The following RALYL variants were observed in gnomAD, a reference collection of about 807,000 sequenced individuals.
RALYL encodes the protein RNA-binding Raly-like protein.
A neutral mutation model predicts 35.1 loss-of-function variants in RALYL; 29 were observed. The observed-to-expected ratio is 0.83, with a 90% CI of 0.61 to 1.13. The LOEUF (loss-of-function observed/expected upper bound fraction) is 1.13, where lower values mean the gene tolerates loss of function less well. Ranked by LOEUF, RALYL falls within the 50% of genes most tolerant of loss-of-function variation. The pLI is 0.00. For synonymous variants in RALYL, 120 were observed against 127.6 expected (o/e 0.94, Z 0.40); for missense variants, 359 against 360.4 (o/e 1.00, Z 0.03).
At chr8:84,898,253 A>C (rs954523613) in intron 8 of RALYL, among the ~76,000 whole-genome samples, 7 of 152,324 alleles carry the variant, frequency 4.6e-5, no homozygotes, top group South Asian at 4.1e-4. Context: ...CCAGTCCTCT[A>C]TGTTTTAACA....
intron 1 of RALYL, among the ~76,000 whole-genome samples, chr8:84,272,797 T>G (rs1388095819): frequency 2.6e-5 from 4 of 152,162 alleles, no homozygotes; most frequent in Non-Finnish European, 5.9e-5. Context: ...GACTCACAAC[T>G]AGGGCAGTTA....
At chr8:84,246,484 T>G (rs749342229) in intron 1 of RALYL, among the ~76,000 whole-genome samples, 3 of 152,118 alleles carry the variant, frequency 2.0e-5, no homozygotes, top group Non-Finnish European at 4.4e-5. Flanking sequence ...GAAGTGATAT[T>G]TAAGCTGAGA....
chr8:84,579,084 T>G (rs946718186), intron 2 of RALYL, among the ~76,000 whole-genome samples: 1 of 152,116 alleles, frequency 6.6e-6, no homozygotes, highest in Non-Finnish European at 1.5e-5. Flanking sequence ...AGGCTGTTCA[T>G]GTGGAAGGGT....
intron 5 of RALYL, 29 bp from the exon 6 acceptor site, chr8:84,862,267 A>T: frequency 2.8e-6 from 4 of 1,435,208 alleles, no homozygotes; most frequent in Non-Finnish European, 3.7e-6. Flanking sequence ...CATCAAACCA[A>T]CTCTCAGTCC....
chr8:84,761,333 T>C (rs1812655148), intron 2 of RALYL, among the ~76,000 whole-genome samples: 2 of 151,978 alleles, frequency 1.3e-5, no homozygotes, highest in South Asian at 2.1e-4. Context: ...CAGGATATGA[T>C]ACATAAGTCA....
intron 2 of RALYL, among the ~76,000 whole-genome samples, chr8:84,726,063 T>C (rs2132719126): frequency 6.6e-6 from 1 of 151,118 alleles, no homozygotes; most frequent in Non-Finnish European, 1.5e-5. Context: ...TAAAAGTAAA[T>C]TCAGATGTAA....
intron 2 of RALYL, among the ~76,000 whole-genome samples, chr8:84,592,131 A>G (rs1813442127): frequency 6.6e-6 from 1 of 152,112 alleles, no homozygotes; most frequent in African/African-American, 2.4e-5. Flanking sequence ...AGCAAGGACA[A>G]TCTACATAAC....
intron 2 of RALYL, among the ~76,000 whole-genome samples, chr8:84,713,806 AC>A (rs1842552395): frequency 6.6e-6 from 1 of 151,624 alleles, no homozygotes; most frequent in Non-Finnish European, 1.5e-5. Flanking sequence ...AGAATTACTC[AC>A]AAAAGTCAAG....
intron 2 of RALYL, among the ~76,000 whole-genome samples, chr8:84,540,904 A>C (rs1227314623): frequency 6.6e-6 from 1 of 152,062 alleles, no homozygotes; most frequent in African/African-American, 2.4e-5. Flanking sequence ...GTTTTCAAAA[A>C]AAAGTGTACA....
chr8:84,902,959 C>T (rs1318944306), intron 8 of RALYL, among the ~76,000 whole-genome samples: 1 of 152,044 alleles, frequency 6.6e-6, no homozygotes, highest in African/African-American at 2.4e-5. Flanking sequence ...GTGGCTCATG[C>T]CTGTAATCCA....
chr8:84,586,276 C>T (rs945557608), intron 2 of RALYL, among the ~76,000 whole-genome samples: 19 of 151,938 alleles, frequency 1.3e-4, no homozygotes, highest in Middle Eastern at 3.2e-3. Flanking sequence ...TTGTTAAACA[C>T]TATCATGTAC....
intron 2 of RALYL, among the ~76,000 whole-genome samples, chr8:84,578,247 C>G (rs568372761): frequency 7.1e-4 from 108 of 152,362 alleles, no homozygotes; most frequent in Non-Finnish European, 1.3e-3. Context: ...ATTAGATGCA[C>G]CATAAGCGGC....
chr8:84,402,153 G>C (rs1458719046), intron 1 of RALYL, among the ~76,000 whole-genome samples: 3 of 152,008 alleles, frequency 2.0e-5, no homozygotes, highest in African/African-American at 4.8e-5. Context: ...TATCACTTTT[G>C]TTTTGTTTTA....
chr8:84,891,856 G>A (rs949878668), intron 8 of RALYL, among the ~76,000 whole-genome samples: 7 of 152,124 alleles, frequency 4.6e-5, no homozygotes, highest in African/African-American at 1.4e-4. Context: ...TTCTTTTTAG[G>A]TAATAAAGGG....
chr8:84,717,640 T>C (rs1248546382), intron 2 of RALYL, among the ~76,000 whole-genome samples: 2 of 152,236 alleles, frequency 1.3e-5, no homozygotes, highest in Non-Finnish European at 1.5e-5. Context: ...ATGTTTTAAA[T>C]ATTGTAATTC....
intron 8 of RALYL, among the ~76,000 whole-genome samples, chr8:84,904,482 C>A (rs754287736): frequency 1.4e-4 from 21 of 152,012 alleles, no homozygotes; most frequent in Non-Finnish European, 2.8e-4. Context: ...TATAAGAGAA[C>A]CAAAAGAATT....
chr8:84,735,003 G>GTT (rs1286589844), intron 2 of RALYL, among the ~76,000 whole-genome samples: 2 of 95,096 alleles, frequency 2.1e-5, no homozygotes, highest in African/African-American at 9.3e-5. Context: ...ATATAGATAT[G>GTT]TTTGTGTGTG....
chr8:84,210,757 G>A (rs1010350344), intron 1 of RALYL, among the ~76,000 whole-genome samples: 8 of 151,942 alleles, frequency 5.3e-5, no homozygotes, highest in Non-Finnish European at 7.4e-5. Context: ...TTTCAGCAAG[G>A]CTCTATGCCA....
intron 1 of RALYL, among the ~76,000 whole-genome samples, chr8:84,425,206 C>T (rs545805937): frequency 3.3e-5 from 5 of 152,194 alleles, no homozygotes; most frequent in East Asian, 3.9e-4. Context: ...AGCGAGATTC[C>T]GTGGGCATAG....
Sources: allele counts gnomAD v4.1 joint callset (sites outside exome capture counted in the v4.1 genomes callset), GRCh38; gene constraint gnomAD v4.1.1; transcripts MANE v1.5; gene names NCBI Gene and HGNC (gene_info 2026-07-23, HGNC 2026-07-21).